PDCL2: variants seen among roughly 807,000 people sequenced by gnomAD.
PDCL2 encodes the protein phosducin like 2, also known as phosducin-like protein 2.
PDCL2 carries 23 observed loss-of-function variants against 30.3 expected under a neutral mutation model. The ratio of observed to expected loss-of-function variants is 0.76; its 90% CI spans 0.55 to 1.08. The LOEUF is 1.08. Among genes scored for constraint, PDCL2 ranks in the 50% least tolerant of loss-of-function variants. The pLI, the probability that PDCL2 is intolerant of heterozygous loss-of-function variation, is 0.00. For synonymous variants in PDCL2, 68 were observed against 86.2 expected, an observed-to-expected ratio of 0.79 and a Z score of 1.17; for missense variants, 243 against 282.3, an observed-to-expected ratio of 0.86 and a Z score of 1.00.
intron 3 of PDCL2, among the ~76,000 whole-genome samples, chr4:55,576,903 C>CT (rs34136307): frequency 0.4 from 59,398 of 147,150 alleles, 12,297 homozygotes; most frequent in African/African-American, 0.52. Context: ...TTTCTCAGTC[C>CT]TTTTTTTTTT....
intron 4 of PDCL2, among the ~76,000 whole-genome samples, chr4:55,568,272 A>T (rs1202150803): frequency 6.6e-6 from 1 of 152,194 alleles, no homozygotes; most frequent in Non-Finnish European, 1.5e-5. Flanking sequence ...TGAACGAGAG[A>T]AACATTCAAA....
At chr4:55,570,030 T>C (rs1231219940) in intron 3 of PDCL2, among the ~76,000 whole-genome samples, 169 bp from the exon 4 acceptor site, 1 of 152,168 alleles carries the variant, frequency 6.6e-6, no homozygotes, top group East Asian at 1.9e-4. Context: ...TCTTTTTATA[T>C]GCAAATTTGT....
At chr4:55,565,478 G>A (rs1365659707) in intron 4 of PDCL2, among the ~76,000 whole-genome samples, 1 of 152,132 alleles carries the variant, frequency 6.6e-6, no homozygotes, top group Non-Finnish European at 1.5e-5. Flanking sequence ...GAAGTGCTGA[G>A]CAAAAGGGGA....
At chr4:55,587,800 C>T (rs537975438) in intron 1 of PDCL2, among the ~76,000 whole-genome samples, 102 of 152,176 alleles carry the variant, frequency 6.7e-4, no homozygotes, top group Non-Finnish European at 1.2e-3. Context: ...AAATGATCCA[C>T]CTGCCTCAGC....
intron 1 of PDCL2, among the ~76,000 whole-genome samples, chr4:55,591,024 C>A (rs4865018): frequency 3.3e-4 from 50 of 151,940 alleles, no homozygotes; most frequent in African/African-American, 1.2e-3. Flanking sequence ...ACATTTCAAT[C>A]CTGAAGAGCA....
chr4:55,580,969 T>A (rs1732692690), intron 2 of PDCL2, 58 bp from the exon 3 acceptor site: 2 of 1,276,930 alleles, frequency 1.6e-6, no homozygotes, highest in African/African-American at 4.7e-5. Flanking sequence ...TACTATACAG[T>A]CAATGTCTAG....
intron 1 of PDCL2, among the ~76,000 whole-genome samples, chr4:55,582,738 T>TAATGCTATCCCTCCCCC (rs1732757401): frequency 2.6e-5 from 4 of 151,842 alleles, no homozygotes. Flanking sequence ...GTATATCTCC[T>TAATGCTATCCCTCCCCC]AATGCTATCC....
rs1261656098 is a variant in PDCL2, at chr4:55,580,995, T to C, written c.128-84A>G. On this transcript the variant is annotated intron_variant, in intron 2 of 5. Transcript: ENST00000295645. ...CAATGTCTAGAAAAAAACCGTCTTATACAAAGGAGATCAACAGTATCTTTA... is the reference window on the plus strand; with the variant it reads ...CAATGTCTAGAAAAAAACCGTCTTACACAAAGGAGATCAACAGTATCTTTA... 3.2e-6 allele frequency: 3 copies of C among 942,360 alleles called. No individual in the cohort carries two copies. In the African/African-American group the frequency reaches 5.1e-5, roughly 16 times the overall value. The allele number at this position is 942,360 out of a possible 1,614,324, so 58.4% of individuals were successfully genotyped here. A position where few individuals can be genotyped will look rare whatever the true frequency, so the allele number is the denominator to read the frequency against.
chr4:55,578,551 T>A (rs1732628312), intron 3 of PDCL2, among the ~76,000 whole-genome samples: 2 of 152,104 alleles, frequency 1.3e-5, no homozygotes, highest in African/African-American at 4.8e-5. Flanking sequence ...ATTTTTGGAG[T>A]TCCCTATTCT....
chr4:55,590,974 A>G (rs575003331), intron 1 of PDCL2, among the ~76,000 whole-genome samples: 1 of 152,356 alleles, frequency 6.6e-6, no homozygotes, highest in East Asian at 1.9e-4. Context: ...TAATCAGTAA[A>G]CCAACAAAGA....
intron 4 of PDCL2, among the ~76,000 whole-genome samples, chr4:55,565,973 G>GTTTTTT (rs71194595): frequency 2.0e-3 from 146 of 74,496 alleles, no homozygotes; most frequent in East Asian, 2.7e-3. Flanking sequence ...CCATTTTTCT[G>GTTTTTT]TTTTTTTTTT....
intron 5 of PDCL2, among the ~76,000 whole-genome samples, chr4:55,557,949 TACAA>T (rs1330985946): frequency 9.5e-5 from 1 of 10,580 alleles, no homozygotes; most frequent in Non-Finnish European, 2.0e-4. Context: ...CTACTAAAAA[TACAA>T]AAAAAAAAAA....
At chr4:55,568,225 C>T (rs1394466835) in intron 4 of PDCL2, among the ~76,000 whole-genome samples, 1 of 152,130 alleles carries the variant, frequency 6.6e-6, no homozygotes, top group Non-Finnish European at 1.5e-5. Flanking sequence ...GTTTATAGCC[C>T]TGAGGCAGAG....
chr4:55,580,804 C>T lies in PDCL2; in HGVS notation c.218+17G>A. The T allele has an allele frequency of 6.5e-7, 1 of 1,528,576 alleles. No homozygotes were observed. The highest frequency in any genetic ancestry group is 8.8e-7 in the Non-Finnish European group (1 of 1,132,388). 94.7% of individuals were successfully genotyped at this position (1,528,576 alleles called of 1,614,324 possible). A position where few individuals can be genotyped will look rare whatever the true frequency, so the allele number is the denominator to read the frequency against. On this transcript the variant is annotated intron_variant, in intron 3 of 5. Transcript: ENST00000295645. ...TTCATTCAAAAATTTATAATTAACC[C>T]AAATGAATCACTGTACCTATATGTT...
intron 5 of PDCL2, among the ~76,000 whole-genome samples, chr4:55,558,540 C>T (rs565967846): frequency 6.6e-6 from 1 of 152,092 alleles, no homozygotes; most frequent in Non-Finnish European, 1.5e-5. Context: ...TATAAATTAC[C>T]CAGTCTCAGG....
At chr4:55,590,386 G>A (rs1209377910) in intron 1 of PDCL2, among the ~76,000 whole-genome samples, 4 of 148,116 alleles carry the variant, frequency 2.7e-5, no homozygotes, top group Non-Finnish European at 5.9e-5. Context: ...GCTGAGGTGG[G>A]AGAACACTTG....
intron 5 of PDCL2, 30 bp downstream of exon 5, chr4:55,562,374 C>A (rs945393287): frequency 7.4e-7 from 1 of 1,347,786 alleles, no homozygotes; most frequent in Non-Finnish European, 9.8e-7. Context: ...TTTCACCTAT[C>A]ATTTTTATAA....
intron 4 of PDCL2, among the ~76,000 whole-genome samples, chr4:55,567,336 C>T (rs983865301): frequency 5.9e-5 from 9 of 152,054 alleles, no homozygotes; most frequent in Middle Eastern, 3.4e-3. Flanking sequence ...AGTTTGAGAC[C>T]GGTCTGGGCG....
At position 55,591,410 on chromosome 4, in the gene PDCL2, G is replaced by GGTGC. The variant is rs539036541; in HGVS notation, c.6+693_6+694insGCAC. 4.1e-5 allele frequency among the ~76,000 whole-genome samples: 6 copies of GGTGC among 147,876 alleles called. No homozygotes were observed. In the East Asian group the frequency reaches 1.2e-3, roughly 29 times the overall value. ...TTGTTTGTTTGTTTGTTTGTTCTGA[G>GGTGC]GCGCAGTCTCACTCTGCCGCCAGGC... On this transcript the variant is annotated intron_variant, in intron 1 of 5. Transcript: ENST00000295645.
Sources: allele counts gnomAD v4.1 joint callset (sites outside exome capture counted in the v4.1 genomes callset), GRCh38; gene constraint gnomAD v4.1.1; transcripts MANE v1.5; gene names NCBI Gene and HGNC (gene_info 2026-07-23, HGNC 2026-07-21).